CDC14A: variants seen among roughly 807,000 people sequenced by gnomAD.
The protein encoded by CDC14A is dual specificity protein phosphatase CDC14A.
In CDC14A, 53 loss-of-function variants were observed where a neutral mutation model predicts 74.4. The ratio of observed to expected loss-of-function variants is 0.71; its 90% confidence interval spans 0.57 to 0.89. The LOEUF is 0.89. Among genes scored for constraint, CDC14A ranks in the 40% least tolerant of loss-of-function variants. CDC14A has a pLI of 0.00. For synonymous variants in CDC14A, 247 were observed against 258.4 expected, an observed-to-expected ratio of 0.96 and a Z score of 0.43; for missense variants, 646 against 713.7, an observed-to-expected ratio of 0.91 and a Z score of 1.08.
At chr1:100,376,858 A>C (rs1655332257) in intron 2 of CDC14A, among the ~76,000 whole-genome samples, 1 of 152,202 alleles carries the variant, frequency 6.6e-6, no homozygotes, top group Admixed American at 6.5e-5. Context: ...TGGAATCCAA[A>C]GTACACAAGT....
At chr1:100,507,176 C>A (rs575985030) in intron 15 of CDC14A, among the ~76,000 whole-genome samples, 17 of 152,304 alleles carry the variant, frequency 1.1e-4, no homozygotes, top group African/African-American at 4.1e-4. Context: ...ATGCAGGCAT[C>A]TTCTGGTAGA....
At chr1:100,389,840 G>T (rs569278190) in intron 3 of CDC14A, among the ~76,000 whole-genome samples, 1 of 152,070 alleles carries the variant, frequency 6.6e-6, no homozygotes, top group Non-Finnish European at 1.5e-5. Context: ...GCTCATTAAA[G>T]ACAGTTTATG....
chr1:100,366,094 T>C (rs1017329381), intron 2 of CDC14A, among the ~76,000 whole-genome samples: 5 of 152,158 alleles, frequency 3.3e-5, no homozygotes, highest in Admixed American at 2.6e-4. Flanking sequence ...TGGTGACCAA[T>C]AGGCTTTTAG....
intron 15 of CDC14A, among the ~76,000 whole-genome samples, chr1:100,512,368 G>C (rs1019495331): frequency 6.6e-6 from 1 of 152,108 alleles, no homozygotes; most frequent in African/African-American, 2.4e-5. Flanking sequence ...AAGTGTTTAG[G>C]AGCCTGGGTC....
chr1:100,478,407 T>C (rs1184519936), intron 10 of CDC14A, among the ~76,000 whole-genome samples: 1 of 152,150 alleles, frequency 6.6e-6, no homozygotes, highest in Non-Finnish European at 1.5e-5. Flanking sequence ...TAGATAGATC[T>C]ATCTGTGACA....
intron 3 of CDC14A, among the ~76,000 whole-genome samples, chr1:100,390,343 A>T (rs1325638390): frequency 1.3e-5 from 2 of 152,212 alleles, no homozygotes; most frequent in African/African-American, 4.8e-5. Flanking sequence ...GTGTTATATG[A>T]AAACTATAGA....
intron 4 of CDC14A, among the ~76,000 whole-genome samples, chr1:100,404,559 G>A (rs954909262): frequency 6.6e-6 from 1 of 152,182 alleles, no homozygotes; most frequent in Admixed American, 6.5e-5. Flanking sequence ...TGGCTGGCGT[G>A]GTGTCTCACG....
At chr1:100,504,991 T>A in intron 15 of CDC14A, 10 of 1,395,428 alleles carry the variant, frequency 7.2e-6, no homozygotes, top group Non-Finnish European at 9.6e-6. Flanking sequence ...TATGCTATTA[T>A]ATACATGAAC....
chr1:100,415,571 A>G (rs1470688446), intron 4 of CDC14A, among the ~76,000 whole-genome samples: 3 of 152,170 alleles, frequency 2.0e-5, no homozygotes, highest in Non-Finnish European at 4.4e-5. Flanking sequence ...ATAATCTGTG[A>G]TTTATAATGG....
intron 7 of CDC14A, among the ~76,000 whole-genome samples, chr1:100,451,981 T>C: frequency 6.6e-6 from 1 of 152,186 alleles, no homozygotes; most frequent in East Asian, 1.9e-4. Context: ...TAATAAAGGC[T>C]CAGCAAATGT....
At chr1:100,412,753 T>TATATATATATATATA (rs1491488725) in intron 4 of CDC14A, among the ~76,000 whole-genome samples, 1 of 104,756 alleles carries the variant, frequency 9.5e-6, no homozygotes, top group African/African-American at 5.8e-5. Flanking sequence ...TATATATATA[T>TATATATATATATATA]TTTATATATA....
At chr1:100,465,471 A>G (rs983421199) in intron 9 of CDC14A, among the ~76,000 whole-genome samples, 14 of 152,214 alleles carry the variant, frequency 9.2e-5, no homozygotes, top group African/African-American at 2.4e-4. Flanking sequence ...CTTATCTACT[A>G]TAGGCTTATT....
intron 11 of CDC14A, among the ~76,000 whole-genome samples, chr1:100,492,472 C>A (rs1475223598): frequency 6.6e-6 from 1 of 152,058 alleles, no homozygotes; most frequent in African/African-American, 2.4e-5. Flanking sequence ...TTTTGTATTG[C>A]CTCCTGGTTG....
At chr1:100,398,905 A>C (rs1658896541) in intron 4 of CDC14A, among the ~76,000 whole-genome samples, 1 of 152,172 alleles carries the variant, frequency 6.6e-6, no homozygotes, top group Admixed American at 6.5e-5. Context: ...CTGAGGAACC[A>C]TCAGACAGGG....
At chr1:100,452,436 C>T (rs979601961) in intron 7 of CDC14A, among the ~76,000 whole-genome samples, 5 of 152,212 alleles carry the variant, frequency 3.3e-5, no homozygotes, top group African/African-American at 7.2e-5. Context: ...TGCTTGAACC[C>T]GGAGGCAGAG....
intron 6 of CDC14A, among the ~76,000 whole-genome samples, chr1:100,441,658 T>C (rs1311403986): frequency 1.3e-5 from 2 of 152,150 alleles, no homozygotes; most frequent in African/African-American, 4.8e-5. Context: ...CAGTTTTTTT[T>C]TTTTTTTTAG....
At chr1:100,413,305 C>T (rs1661116552) in intron 4 of CDC14A, among the ~76,000 whole-genome samples, 1 of 152,132 alleles carries the variant, frequency 6.6e-6, no homozygotes, top group African/African-American at 2.4e-5. Flanking sequence ...TTCTATTCTT[C>T]AGTGAGTTCA....
intron 4 of CDC14A, among the ~76,000 whole-genome samples, chr1:100,412,784 A>G (rs1337099820): frequency 8.5e-6 from 1 of 117,026 alleles, no homozygotes; most frequent in Admixed American, 8.8e-5. Flanking sequence ...ATATATATAT[A>G]GTATGTATGC....
intron 6 of CDC14A, among the ~76,000 whole-genome samples, chr1:100,442,301 T>C (rs1665022087): frequency 6.8e-6 from 1 of 147,170 alleles, no homozygotes; most frequent in Non-Finnish European, 1.5e-5. Context: ...ACATATATAT[T>C]ATGTATTGTA....
Sources: gnomAD v4.1 joint callset for allele counts (sites outside exome capture counted in the v4.1 genomes callset) on GRCh38, gnomAD v4.1.1 for gene constraint, MANE v1.5 for transcripts, NCBI Gene and HGNC (gene_info 2026-07-23, HGNC 2026-07-21) for gene names.